DEPDC1B: variants seen among roughly 807,000 people sequenced by gnomAD.
The protein encoded by DEPDC1B is DEP domain containing 1B, also known as DEP domain-containing protein 1B.
In DEPDC1B, 51 loss-of-function variants were observed where a neutral mutation model predicts 66.5. The observed-to-expected ratio is 0.77, with a 90% CI of 0.61 to 0.97. DEPDC1B has a LOEUF of 0.97. DEPDC1B is among the 50% of genes least tolerant of loss of function. DEPDC1B has a pLI of 0.00. For missense variants in DEPDC1B, 552 were observed against 637.1 expected, an observed-to-expected ratio of 0.87 and a Z score of 1.44; for synonymous variants, 226 against 223.6, an observed-to-expected ratio of 1.01 and a Z score of -0.10.
At chr5:60,597,962 C>T (rs1752131035) in intron 10 of DEPDC1B, 48 bp from the exon 11 acceptor site, 1 of 1,487,274 alleles carries the variant, frequency 6.7e-7, no homozygotes. Flanking sequence ...CACATAAAAG[C>T]CAATAAAATT....
intron 7 of DEPDC1B, among the ~76,000 whole-genome samples, chr5:60,618,199 A>AC (rs1752609600): frequency 1.3e-5 from 2 of 152,148 alleles, no homozygotes; most frequent in South Asian, 2.1e-4. Flanking sequence ...AAGATCTAAA[A>AC]TGACACCCTA....
intron 2 of DEPDC1B, among the ~76,000 whole-genome samples, chr5:60,663,358 A>G (rs112384884): frequency 3.3e-5 from 5 of 152,278 alleles, no homozygotes; most frequent in African/African-American, 1.2e-4. Flanking sequence ...TAGCTCCTGC[A>G]ATACTCCAAT....
At chr5:60,674,861 G>A (rs887189195) in intron 2 of DEPDC1B, among the ~76,000 whole-genome samples, 1 of 152,110 alleles carries the variant, frequency 6.6e-6, no homozygotes, top group African/African-American at 2.4e-5. Context: ...GATGGGGGTG[G>A]CGGATAAGAC....
At chr5:60,688,950 C>T (rs1754484464) in intron 1 of DEPDC1B, 1 of 451,330 alleles carries the variant, frequency 2.2e-6, no homozygotes, top group East Asian at 7.0e-5. Flanking sequence ...CAAGTACATA[C>T]TAACTCACTG....
rs539638120 is a variant in DEPDC1B at position 60,683,387 on chromosome 5, G to A, written c.314+3575C>T. The stretch of plus-strand genomic sequence containing the variant: ...GTTGAGGCTGCAGTGAGCCAAGATC[G>A]CACCACTGCACTCCAGCCTGGGTAA... On this transcript the variant is annotated intron_variant, in intron 2 of 10. Coordinates refer to ENST00000265036, the MANE Select transcript of DEPDC1B (RefSeq NM_018369.3). Among the ~76,000 whole-genome samples the A allele has an allele frequency of 1.5e-3, 229 of 152,176 alleles. 2 individuals are homozygous for A. The highest frequency in any genetic ancestry group is 6.8e-3 in the Middle Eastern group (2 of 294).
rs1246298658 is a variant in DEPDC1B at position 60,687,104 on chromosome 5, T to A, written c.172A>T (p.Arg58Trp). ...EAVDWLHELL[R>W]CSQNFGPEVT... The stretch of plus-strand genomic sequence containing the variant: ...TCAGGGCCGAAGTTTTGACTGCACC[T>A]CAGCAGCTCATGCAGCCAATCCACA... Residue 58 changes from arginine to tryptophan, a missense_variant, in exon 2 of 11, where the codon AGG becomes TGG. By Grantham distance (101) the Arg-to-Trp change is moderately radical. Transcript: ENST00000265036. 31 of 1,614,104 alleles carry A rather than the reference T, an allele frequency of 1.9e-5. No individual in the cohort carries two copies. The highest frequency in any genetic ancestry group is 2.6e-5 in the Non-Finnish European group (31 of 1,180,052).
rs1025848182 is a variant in DEPDC1B at position 60,654,978 on chromosome 5, A to G, written c.315-7445T>C. ...CCCTGCATCCCTGATATGAAACCCA[A>G]TTGACCATGGTGGATTATCTTTTTG... is the stretch of plus-strand genomic sequence containing the variant. On this transcript the variant is annotated intron_variant, in intron 2 of 10. Transcript: ENST00000265036. Among the ~76,000 whole-genome samples the G allele has an allele frequency of 4.7e-5, 7 of 149,146 alleles. 2 individuals are homozygous for G. In the East Asian group the frequency reaches 1.4e-3, roughly 31 times the overall value.
chr5:60,615,666 C>T (rs960383971), intron 7 of DEPDC1B, among the ~76,000 whole-genome samples: 2 of 152,324 alleles, frequency 1.3e-5, no homozygotes, highest in Admixed American at 1.3e-4. Flanking sequence ...GGGTGGAGCC[C>T]ACTGCAGCTC....
Position 60,686,951 on chromosome 5 carries a change from G to T in DEPDC1B, c.314+11C>A, listed in dbSNP as rs755169234. The T allele has an allele frequency of 6.2e-7, 1 of 1,613,068 alleles. No homozygotes were observed. The highest frequency in any genetic ancestry group is 8.5e-7 in the Non-Finnish European group (1 of 1,179,146). On this transcript the variant is annotated intron_variant, in intron 2 of 10. Coordinates refer to ENST00000265036, the MANE Select transcript of DEPDC1B (RefSeq NM_018369.3). ...AATTCCTCACCTTCCAGGTTTACAT[G>T]TTGCCATTACCTGTATAAGTGACGA...
In DEPDC1B at chr5:60,699,147, T is replaced by A. The variant is rs1013097467; in HGVS notation, c.48+899A>T. Among the ~76,000 whole-genome samples, 5 of 152,194 alleles carry A rather than the reference T, an allele frequency of 3.3e-5. 1 individual carries two copies. The highest frequency in any genetic ancestry group is 4.8e-5 in the African/African-American group (2 of 41,434). On this transcript the variant is annotated intron_variant, in intron 1 of 10. Coordinates refer to ENST00000265036, the MANE Select transcript of DEPDC1B (RefSeq NM_018369.3). ...AAAAGGAAACTCTATTTACATTATC[T>A]GTATCCCAGCATCCTCACCTCTTCC...
rs139641058 is a variant in DEPDC1B at position 60,638,850 on chromosome 5, T to C, written c.798A>G (p.Gly266=). The part of the protein sequence containing the change: ...CSDLKQPMYL[G]FEKDVFKTIA... The stretch of plus-strand genomic sequence containing the variant: ...TGGTTTTAAAGACATCTTTTTCAAA[T>C]CCCAAGTACATAGGCTGCTTCAAAT... The change falls in exon 7 of 11, where the codon GGA becomes GGG. Residue 266 remains glycine (G), a synonymous_variant. Coordinates refer to ENST00000265036, the MANE Select transcript of DEPDC1B (RefSeq NM_018369.3). The C allele has an allele frequency of 8.7e-6, 14 of 1,613,142 alleles. No individual in the cohort carries two copies. Among genetic ancestry groups the C allele is most frequent in the Non-Finnish European group, 1.2e-5 (14 of 1,179,632 alleles).
intron 7 of DEPDC1B, among the ~76,000 whole-genome samples, chr5:60,635,533 A>T (rs1753025698): frequency 6.6e-6 from 1 of 152,232 alleles, no homozygotes; most frequent in Admixed American, 6.5e-5. Context: ...CCAGCCTCCT[A>T]ACAAATAAAC....
chr5:60,656,531 T>C (rs1753581241), intron 2 of DEPDC1B, among the ~76,000 whole-genome samples: 1 of 152,182 alleles, frequency 6.6e-6, no homozygotes, highest in Non-Finnish European at 1.5e-5. Flanking sequence ...CCCACTGTAT[T>C]AGTCTGTTTT....
chr5:60,612,528 C>CAA (rs35196065), intron 7 of DEPDC1B, among the ~76,000 whole-genome samples: 3,853 of 89,986 alleles, frequency 0.043, 159 homozygotes, highest in East Asian at 0.17. Flanking sequence ...GAGATCTGCT[C>CAA]AAAAAAAAAA....
intron 1 of DEPDC1B, chr5:60,689,043 A>C (rs992934043): frequency 2.2e-6 from 1 of 456,286 alleles, no homozygotes; most frequent in Non-Finnish European, 4.4e-6. Flanking sequence ...GGATAACAGA[A>C]TCAATCCCTG....
At chr5:60,636,441 T>C (rs1753045698) in intron 7 of DEPDC1B, among the ~76,000 whole-genome samples, 1 of 152,224 alleles carries the variant, frequency 6.6e-6, no homozygotes, top group African/African-American at 2.4e-5. Context: ...ATCACTTCCA[T>C]TGAAAACACT....
intron 1 of DEPDC1B, among the ~76,000 whole-genome samples, chr5:60,699,223 G>A (rs750794773): frequency 3.3e-5 from 5 of 152,002 alleles, no homozygotes; most frequent in African/African-American, 7.3e-5. Flanking sequence ...CTTTTCCTGT[G>A]TATTCATTAT....
At chr5:60,617,023 T>C (rs1270430173) in intron 7 of DEPDC1B, among the ~76,000 whole-genome samples, 3 of 152,208 alleles carry the variant, frequency 2.0e-5, no homozygotes, top group Non-Finnish European at 4.4e-5. Context: ...CAGAATTTCA[T>C]ATCCAGCCAA....
intron 4 of DEPDC1B, 45 bp from the exon 5 acceptor site, chr5:60,644,920 A>G (rs1753275636): frequency 1.4e-6 from 2 of 1,438,482 alleles, no homozygotes; most frequent in Non-Finnish European, 1.9e-6. Flanking sequence ...CTTTAATATT[A>G]TATTTACTCA....
Sources: allele counts gnomAD v4.1 joint callset (sites outside exome capture counted in the v4.1 genomes callset), GRCh38; gene constraint gnomAD v4.1.1; transcripts MANE v1.5; gene names NCBI Gene and HGNC (gene_info 2026-07-23, HGNC 2026-07-21).